PCDH11X: variants seen among roughly 807,000 people sequenced by gnomAD.
The protein encoded by PCDH11X is protocadherin 11 X-linked.
PCDH11X carries 18 observed loss-of-function variants against 53.3 expected under a neutral mutation model. The observed-to-expected ratio is 0.34, with a 90% CI of 0.23 to 0.50. The LOEUF (loss-of-function observed/expected upper bound fraction) is 0.50. Ranked by LOEUF, PCDH11X falls within the 20% of genes least tolerant of loss-of-function variation. The pLI, the probability that PCDH11X is intolerant of heterozygous loss-of-function variation, is 0.98. For missense variants in PCDH11X, 570 were observed against 1,032.4 expected (o/e 0.55, Z 6.14); for synonymous variants, 279 against 393.3 (o/e 0.71, Z 3.44).
chrX:91,877,943 C>T lies in PCDH11X; in HGVS notation c.1703C>T (p.Pro568Leu). The T allele has an allele frequency of 8.3e-7, 1 of 1,211,782 alleles. No homozygotes were observed. The highest frequency in any genetic ancestry group is 3.0e-5 in the East Asian group (1 of 33,830). ...ATTATTGATCAGAATGACAATAGCC[C>T]AGTTTTCACTCACAATGAATACAAC... ...VSIIDQNDNSPVFTHNEYNFY... is the reference protein window; with the variant it reads ...VSIIDQNDNSLVFTHNEYNFY... The change falls in exon 6 of 11, where the codon CCA (proline) becomes CTA (leucine). Residue 568 changes from proline to leucine, a missense_variant. By Grantham distance (98) the Pro-to-Leu change is moderately conservative (BLOSUM62 -3). This residue lies in a region of PCDH11X where 226 missense variants were observed against 457.5 expected (regional missense o/e 0.49). Coordinates refer to ENST00000682573, the MANE Select transcript of PCDH11X (RefSeq NM_032968.5).
intron 6 of PCDH11X, among the ~76,000 whole-genome samples, chrX:91,899,472 T>G (rs938396076): frequency 3.6e-5 from 4 of 110,849 alleles, no homozygotes; most frequent in African/African-American, 1.3e-4. Context: ...CACAGACACA[T>G]GCAGGAACAA....
chrX:92,479,697 T>A (rs2148672040), intron 10 of PCDH11X, among the ~76,000 whole-genome samples: 1 of 108,283 alleles, frequency 9.2e-6, no homozygotes, highest in South Asian at 4.1e-4. Context: ...CTTTTCTGGC[T>A]TGTGAGGTTT....
chrX:92,331,219 G>A (rs1194157276), intron 8 of PCDH11X, among the ~76,000 whole-genome samples: 3 of 107,370 alleles, frequency 2.8e-5, no homozygotes, highest in Non-Finnish European at 5.8e-5. Flanking sequence ...TTAAATGCCC[G>A]TTTCCTGTCT....
At chrX:91,822,784 C>G (rs1602294994) in intron 4 of PCDH11X, among the ~76,000 whole-genome samples, 2 of 111,588 alleles carry the variant, frequency 1.8e-5, no homozygotes, top group East Asian at 5.7e-4. Flanking sequence ...AATTTTGGAT[C>G]TTTCCTGCTT....
At chrX:92,535,135 G>A (rs1349489735) in intron 10 of PCDH11X, among the ~76,000 whole-genome samples, 1 of 112,106 alleles carries the variant, frequency 8.9e-6, no homozygotes, top group African/African-American at 3.2e-5. Context: ...AGAGCTAAAA[G>A]CAGAACTATC....
chrX:92,414,793 A>G (rs2071771839), intron 9 of PCDH11X, among the ~76,000 whole-genome samples: 1 of 111,752 alleles, frequency 8.9e-6, no homozygotes. Flanking sequence ...CAAGAGTCAC[A>G]TGGCTGCACC....
intron 10 of PCDH11X, among the ~76,000 whole-genome samples, chrX:92,532,591 T>C (rs1280520379): frequency 9.2e-6 from 1 of 108,109 alleles, no homozygotes; most frequent in Non-Finnish European, 1.9e-5. Flanking sequence ...TAATAATATA[T>C]TAAAAGGGAT....
chrX:92,071,958 C>T (rs2063708620), intron 6 of PCDH11X, among the ~76,000 whole-genome samples: 1 of 111,003 alleles, frequency 9.0e-6, no homozygotes, highest in African/African-American at 3.3e-5. Flanking sequence ...TTTCTTAGAG[C>T]CAGGGATTAT....
intron 8 of PCDH11X, among the ~76,000 whole-genome samples, chrX:92,352,988 G>A (rs1230956158): frequency 2.7e-5 from 3 of 111,082 alleles, no homozygotes; most frequent in South Asian, 3.9e-4. Context: ...TCCACACGCT[G>A]CTCTGTCTGT....
intron 6 of PCDH11X, chrX:92,113,170 C>G (rs1244557924): frequency 1.7e-5 from 18 of 1,054,224 alleles, no homozygotes; most frequent in Non-Finnish European, 2.2e-5. Context: ...GGCTCCCTTC[C>G]TTCCCCTCTC....
rs761781573 is a variant in PCDH11X, at chrX:92,288,731, A to G, written c.3144+25588A>G. ...CAGTATTTCTGTGATTTGTTTTAAG[A>G]ATTTAATTATAGATTTTAATCTTGA... On this transcript the variant is annotated intron_variant, in intron 8 of 10. Coordinates refer to ENST00000682573, the MANE Select transcript of PCDH11X (RefSeq NM_032968.5). Among the ~76,000 whole-genome samples the G allele has an allele frequency of 1.9e-3, 216 of 111,087 alleles. 1 individual carries two copies. Among genetic ancestry groups the G allele is most frequent in the African/African-American group, 6.4e-3 (196 of 30,590 alleles).
chrX:92,041,539 T>A (rs987329195), intron 6 of PCDH11X, among the ~76,000 whole-genome samples: 1 of 111,331 alleles, frequency 9.0e-6, no homozygotes, highest in African/African-American at 3.3e-5. Context: ...TAAGGTGACA[T>A]GTATTGGTAG....
chrX:92,147,824 T>TTTCTTTCTTTCTTTCTTTCC (rs2065301488), intron 6 of PCDH11X, among the ~76,000 whole-genome samples: 2 of 91,216 alleles, frequency 2.2e-5, no homozygotes, highest in African/African-American at 4.7e-5. Context: ...TCTTTCTTTC[T>TTTCTTTCTTTCTTTCTTTCC]TTCTTTCTTT....
At chrX:92,415,689 AAAT>A (rs200847622) in intron 9 of PCDH11X, among the ~76,000 whole-genome samples, 7,991 of 111,019 alleles carry the variant, frequency 0.072, 720 homozygotes, top group African/African-American at 0.25. Context: ...AAGAAAAGAA[AAAT>A]AATAATTTGT....
chrX:92,460,239 C>G, intron 9 of PCDH11X: 5 of 884,235 alleles, frequency 5.7e-6, no homozygotes, highest in Non-Finnish European at 8.2e-6. Context: ...TTGATGACAC[C>G]AATGTCACTT....
chrX:91,922,010 G>A (rs1286061580), intron 6 of PCDH11X, among the ~76,000 whole-genome samples: 4 of 110,700 alleles, frequency 3.6e-5, no homozygotes, highest in African/African-American at 1.3e-4. Flanking sequence ...GTTAGTATTT[G>A]GCATTACATA....
At chrX:92,579,918 A>G (rs1038737300) in intron 10 of PCDH11X, among the ~76,000 whole-genome samples, 1 of 109,882 alleles carries the variant, frequency 9.1e-6, no homozygotes, top group African/African-American at 3.3e-5. Context: ...CTTTGGATGG[A>G]GTTTTTGTGG....
intron 6 of PCDH11X, among the ~76,000 whole-genome samples, chrX:92,165,317 A>C (rs1263151727): frequency 8.9e-6 from 1 of 111,985 alleles, no homozygotes; most frequent in East Asian, 2.8e-4. Context: ...TTGAAAAGTG[A>C]AAGTTGAGAT....
intron 6 of PCDH11X, among the ~76,000 whole-genome samples, chrX:92,036,538 C>G (rs2063128263): frequency 9.3e-6 from 1 of 107,998 alleles, no homozygotes; most frequent in Non-Finnish European, 1.9e-5. Flanking sequence ...TGCCCTTCAC[C>G]TTCCACCAAG....
Sources: allele counts gnomAD v4.1 joint callset (sites outside exome capture counted in the v4.1 genomes callset), GRCh38; gene constraint gnomAD v4.1.1; regional missense constraint gnomAD v4.1.1; transcripts MANE v1.5; gene names NCBI Gene and HGNC (gene_info 2026-07-23, HGNC 2026-07-21).